Variants in TXLNG observed in about 807,000 individuals in gnomAD.
TXLNG encodes the protein taxilin gamma.
A neutral mutation model predicts 38.8 loss-of-function variants in TXLNG; 5 were observed. The ratio of observed to expected loss-of-function variants is 0.13; its 90% CI spans 0.07 to 0.27. The LOEUF is 0.27. TXLNG is among the 10% of genes least tolerant of loss of function. The probability of loss-of-function intolerance (pLI) is 1.00; values close to 1 mark genes in which losing one functional copy is unlikely to be tolerated. For synonymous variants in TXLNG, 182 were observed against 158.2 expected (o/e 1.15, Z -1.13); for missense variants, 393 against 398.2 (o/e 0.99, Z 0.11).
intron 1 of TXLNG, among the ~76,000 whole-genome samples, chrX:16,803,720 G>A (rs781112869): frequency 1.4e-4 from 15 of 107,043 alleles, no homozygotes; most frequent in African/African-American, 4.7e-4. Flanking sequence ...TTGGGAGGCC[G>A]AGGCGGGCAG....
rs756496030 is a variant in TXLNG, at chrX:16,837,585, T to C, written c.1060-8T>C. 7.7e-6 allele frequency: 9 copies of C among 1,174,773 alleles called. No homozygotes were observed. In the Admixed American group the frequency reaches 1.2e-4, roughly 16 times the overall value. Reference sequence around the variant, plus strand: ...AACTCAGAATGTTTCATACTTTTTTTCCTATAGCTTTCTCTTTATATGGAT... The same window carrying C: ...AACTCAGAATGTTTCATACTTTTTTCCCTATAGCTTTCTCTTTATATGGAT... On this transcript the variant is annotated splice_region_variant and splice_polypyrimidine_tract_variant and intron_variant, in intron 7 of 9. Transcript: ENST00000380122.
chrX:16,786,610 C>T (rs1183643653), intron 1 of TXLNG, 21 bp downstream of exon 1: 17 of 1,014,428 alleles, frequency 1.7e-5, no homozygotes, highest in East Asian at 4.0e-5. Context: ...GGGACGCCCT[C>T]GTTGTTGTCG....
rs189623324 is a variant in TXLNG at position 16,844,104 on chromosome X, C to T, written c.*2338C>T. ...TCGTGATGTGTATTATTTATATTGG[C>T]GGTGGACTCCAAGGTGTAGAGAAAA... On this transcript the variant is annotated 3_prime_UTR_variant, in exon 10 of 10. Coordinates refer to ENST00000380122, the MANE Select transcript of TXLNG (RefSeq NM_018360.3). The T allele has an allele frequency of 5.5e-4, 61 of 111,809 alleles. No individual in the cohort carries two copies. The highest frequency in any genetic ancestry group is 1.8e-3 in the African/African-American group (56 of 30,727). The allele number at this position is 111,809 out of a possible 1,213,427, so 9.2% of individuals were successfully genotyped here. A position where few individuals can be genotyped will look rare whatever the true frequency, so the allele number is the denominator to read the frequency against.
Position 16,843,077 on chromosome X carries a change from G to C in TXLNG, c.*1311G>C, listed in dbSNP as rs1180903960. ...CTGCACTGATGGAAGTTTTGACTTT[G>C]TCCCTGGTATAATTTGCATTGAAAT... is the stretch of plus-strand genomic sequence containing the variant. On this transcript the variant is annotated 3_prime_UTR_variant, in exon 10 of 10. Transcript: ENST00000380122. 1 of 112,410 alleles carries C rather than the reference G, an allele frequency of 8.9e-6. No individual in the cohort carries two copies. The highest frequency in any genetic ancestry group is 1.9e-5 in the Non-Finnish European group (1 of 53,300). The allele number at this position is 112,410 out of a possible 1,213,427, so 9.3% of individuals were successfully genotyped here.
chrX:16,808,167 G>A (rs1160572411), intron 1 of TXLNG, among the ~76,000 whole-genome samples: 1 of 111,228 alleles, frequency 9.0e-6, no homozygotes, highest in East Asian at 2.8e-4. Flanking sequence ...TGACCGGAGG[G>A]GAGTGGCTAG....
intron 1 of TXLNG, among the ~76,000 whole-genome samples, chrX:16,814,140 G>A (rs1448604806): frequency 9.0e-6 from 1 of 111,683 alleles, no homozygotes; most frequent in Non-Finnish European, 1.9e-5. Flanking sequence ...TAACCCACAT[G>A]TCCATCTGAT....
chrX:16,814,961 A>G (rs1031625710), intron 1 of TXLNG, among the ~76,000 whole-genome samples: 6 of 112,061 alleles, frequency 5.4e-5, no homozygotes, highest in Admixed American at 9.5e-5. Flanking sequence ...AAATGAACCA[A>G]TCTCATTCCT....
At position 16,786,496 on chromosome X, in the gene TXLNG, G is replaced by A. The variant is rs1927485982; in HGVS notation, c.9G>A (p.Thr3=). 4 of 1,113,995 alleles carry A rather than the reference G, an allele frequency of 3.6e-6. No individual in the cohort carries two copies. Among genetic ancestry groups the A allele is most frequent in the East Asian group, 3.8e-5 (1 of 26,095 alleles). 91.8% of individuals were successfully genotyped at this position (1,113,995 alleles called of 1,213,427 possible). The change falls in exon 1 of 10, where the codon ACG becomes ACA. Residue 3 remains threonine (T), a synonymous_variant. Transcript: ENST00000380122. ...GCTGCTGCCGTCACCTCATGGCGAC[G>A]CGGGTAGAGGAGGCAGCGCGGGGAA... is the stretch of plus-strand genomic sequence containing the variant. MA[T]RVEEAARGRG...
In TXLNG at chrX:16,795,731, A is replaced by G. The variant is rs188812279; in HGVS notation, c.102+9142A>G. ...ATTTATGATCCCTCCTTAGAACTCC[A>G]TCATTTCTCTGGCTTCATTTATTTA... On this transcript the variant is annotated intron_variant, in intron 1 of 9. Coordinates refer to ENST00000380122, the MANE Select transcript of TXLNG (RefSeq NM_018360.3). Among the ~76,000 whole-genome samples, 635 of 111,646 alleles carry G rather than the reference A, an allele frequency of 5.7e-3. 2 individuals are homozygous for G. Among genetic ancestry groups the G allele is most frequent in the Non-Finnish European group, 9.1e-3 (483 of 53,150 alleles).
chrX:16,839,779 A>C, intron 8 of TXLNG, 42 bp from the exon 9 acceptor site: 1 of 1,018,716 alleles, frequency 9.8e-7, no homozygotes, highest in Non-Finnish European at 1.4e-6. Flanking sequence ...AGTAGAGATA[A>C]GGAAGGGAAC....
chrX:16,834,732 T>A (rs936784192), intron 7 of TXLNG, among the ~76,000 whole-genome samples: 10 of 112,322 alleles, frequency 8.9e-5, no homozygotes, highest in African/African-American at 3.2e-4. Flanking sequence ...CTGATACATC[T>A]GCATATTTTA....
chrX:16,794,508 G>C (rs1190187384), intron 1 of TXLNG, among the ~76,000 whole-genome samples: 1 of 103,866 alleles, frequency 9.6e-6, no homozygotes, highest in Non-Finnish European at 2.0e-5. Context: ...TAAATTGAAA[G>C]GTAGAGAGTT....
rs770283693 is a variant in TXLNG, at chrX:16,806,299, G to A, written c.103-12275G>A. Among the ~76,000 whole-genome samples the A allele has an allele frequency of 3.6e-5, 4 of 112,132 alleles. No individual in the cohort carries two copies. The South Asian group carries it at 1.1e-3, about 31-fold the overall frequency. On this transcript the variant is annotated intron_variant, in intron 1 of 9. Coordinates refer to ENST00000380122, the MANE Select transcript of TXLNG (RefSeq NM_018360.3). ...AGTAGCTGATGCCCCGAGAGTATGGGGTATCTTTGATATCTTTCACTATTT... is the reference window on the plus strand; with the variant it reads ...AGTAGCTGATGCCCCGAGAGTATGGAGTATCTTTGATATCTTTCACTATTT...
At chrX:16,829,279 G>A (rs1175316314) in intron 4 of TXLNG, among the ~76,000 whole-genome samples, 2 of 111,806 alleles carry the variant, frequency 1.8e-5, no homozygotes, top group South Asian at 3.7e-4. Flanking sequence ...GATCTCTTCC[G>A]ACCCATCTAA....
At chrX:16,835,258 A>C (rs745939267) in intron 7 of TXLNG, among the ~76,000 whole-genome samples, 16 of 111,726 alleles carry the variant, frequency 1.4e-4, no homozygotes, top group African/African-American at 4.9e-4. Context: ...GCTGTAAAAT[A>C]ACACTGAGAC....
At chrX:16,810,559 A>G (rs1395628992) in intron 1 of TXLNG, among the ~76,000 whole-genome samples, 2 of 112,461 alleles carry the variant, frequency 1.8e-5, no homozygotes, top group Admixed American at 1.9e-4. Context: ...AAGATTTTGT[A>G]GAGCCAAAGT....
Position 16,824,764 on chromosome X carries a change from A to T in TXLNG, c.499-3330A>T, listed in dbSNP as rs1272464990. ...AAAGCCCGTCTCTACTAAAAAAATA[A>T]AAAAAAAAAAATTAGCCGGGCATGG... On this transcript the variant is annotated intron_variant, in intron 3 of 9. Coordinates refer to ENST00000380122, the MANE Select transcript of TXLNG (RefSeq NM_018360.3). Among the ~76,000 whole-genome samples the T allele has an allele frequency of 1.7e-4, 5 of 30,048 alleles. No individual in the cohort carries two copies. The African/African-American group carries it at 1.8e-3, about 11-fold the overall frequency. The allele number at this position is 30,048 out of a possible 115,157, so 26.1% of individuals were successfully genotyped here.
At position 16,829,634 on chromosome X, in the gene TXLNG, A is replaced by G. The variant is rs1456092161; in HGVS notation, c.728A>G (p.His243Arg). Residue 243 changes from histidine to arginine, a missense_variant, in exon 5 of 10, where the codon CAT becomes CGT. By Grantham distance (29) the His-to-Arg change is conservative. Coordinates refer to ENST00000380122, the MANE Select transcript of TXLNG (RefSeq NM_018360.3). ...GAACGACGTAAAGAAGCAACTGCAC[A>G]TTTCCAGATTACCTTAAATGAAATT... is the stretch of plus-strand genomic sequence containing the variant. ...EEERRKEATAHFQITLNEIQA... is the reference protein window; with the variant it reads ...EEERRKEATARFQITLNEIQA... 1 of 1,211,949 alleles carries G rather than the reference A, an allele frequency of 8.3e-7. No homozygotes were observed. The highest frequency in any genetic ancestry group is 3.0e-5 in the East Asian group (1 of 33,857).
intron 1 of TXLNG, among the ~76,000 whole-genome samples, chrX:16,807,791 T>A (rs1412966312): frequency 1.8e-5 from 2 of 111,672 alleles, no homozygotes; most frequent in Non-Finnish European, 3.8e-5. Context: ...CCTCTGCATA[T>A]GCCTGGCCCT....
Sources: gnomAD v4.1 joint callset for allele counts (sites outside exome capture counted in the v4.1 genomes callset) on GRCh38, gnomAD v4.1.1 for gene constraint, MANE v1.5 for transcripts, NCBI Gene and HGNC (gene_info 2026-07-23, HGNC 2026-07-21) for gene names.